NUDCD3: variants seen among roughly 807,000 people sequenced by gnomAD.
NUDCD3 encodes NudC domain containing 3.
NUDCD3 carries 13 observed loss-of-function variants against 39.7 expected under a neutral mutation model. The observed-to-expected ratio is 0.33, with a 90% confidence interval of 0.21 to 0.52. NUDCD3 has a LOEUF of 0.52. NUDCD3 is among the 20% of genes least tolerant of loss of function. NUDCD3 has a pLI of 0.96. For synonymous variants in NUDCD3, 175 were observed against 172.4 expected, an observed-to-expected ratio of 1.02 and a Z score of -0.12; for missense variants, 453 against 458.1, an observed-to-expected ratio of 0.99 and a Z score of 0.10.
chr7:44,403,286 T>A (rs529735955), intron 4 of NUDCD3, among the ~76,000 whole-genome samples: 1 of 152,202 alleles, frequency 6.6e-6, no homozygotes, highest in Non-Finnish European at 1.5e-5. Flanking sequence ...CAAGCCCCAT[T>A]GCTGGAAACT....
chr7:44,425,431 T>C (rs1007238231), intron 3 of NUDCD3, among the ~76,000 whole-genome samples: 1 of 152,232 alleles, frequency 6.6e-6, no homozygotes, highest in Non-Finnish European at 1.5e-5. Flanking sequence ...TTTTTTTATA[T>C]TATGGATTTA....
At chr7:44,467,409 T>C (rs1800142060) in intron 2 of NUDCD3, among the ~76,000 whole-genome samples, 1 of 152,116 alleles carries the variant, frequency 6.6e-6, no homozygotes, top group Admixed American at 6.5e-5. Flanking sequence ...CCTTCCTGAC[T>C]CAAATTGTAC....
chr7:44,418,933 C>T (rs748344351), intron 3 of NUDCD3, among the ~76,000 whole-genome samples: 3 of 152,284 alleles, frequency 2.0e-5, no homozygotes, highest in South Asian at 2.1e-4. Flanking sequence ...GAGATTCCCT[C>T]GTGTGCCTAC....
At chr7:44,388,065 GGTTA>G (rs920508429) in intron 5 of NUDCD3, among the ~76,000 whole-genome samples, 11 of 152,308 alleles carry the variant, frequency 7.2e-5, no homozygotes, top group Middle Eastern at 6.8e-3. Flanking sequence ...TTTGGAAAAA[GGTTA>G]GTGACACCAA....
At chr7:44,484,164 A>G (rs778581761) in intron 2 of NUDCD3, among the ~76,000 whole-genome samples, 33 of 152,194 alleles carry the variant, frequency 2.2e-4, no homozygotes, top group Non-Finnish European at 3.8e-4. Context: ...TGAATTTTCC[A>G]AAAAAACAAA....
intron 2 of NUDCD3, among the ~76,000 whole-genome samples, chr7:44,454,560 C>T (rs184930181): frequency 6.6e-6 from 1 of 152,300 alleles, no homozygotes; most frequent in Non-Finnish European, 1.5e-5. Flanking sequence ...GCCTCTGTGA[C>T]CTGGCAACTG....
intron 2 of NUDCD3, among the ~76,000 whole-genome samples, chr7:44,452,024 T>C (rs1322171436): frequency 6.6e-5 from 10 of 152,084 alleles, no homozygotes; most frequent in Admixed American, 6.5e-4. Flanking sequence ...AGGGCAAAAA[T>C]GTCCTCCCTG....
intron 4 of NUDCD3, among the ~76,000 whole-genome samples, chr7:44,403,643 G>C (rs1798763732): frequency 6.6e-6 from 1 of 152,212 alleles, no homozygotes; most frequent in Non-Finnish European, 1.5e-5. Context: ...GGGAAGCCCA[G>C]GCAGAAGCCT....
intron 2 of NUDCD3, among the ~76,000 whole-genome samples, chr7:44,445,128 C>T (rs1324308907): frequency 6.6e-6 from 1 of 152,264 alleles, no homozygotes; most frequent in Non-Finnish European, 1.5e-5. Flanking sequence ...ACCCTTCCTG[C>T]TGCCTGCCCC....
At chr7:44,486,927 G>A (rs1042402832) in intron 1 of NUDCD3, among the ~76,000 whole-genome samples, 3 of 152,180 alleles carry the variant, frequency 2.0e-5, no homozygotes, top group Non-Finnish European at 4.4e-5. Flanking sequence ...AGGGCTGGAA[G>A]AGAACTCTAA....
intron 2 of NUDCD3, among the ~76,000 whole-genome samples, chr7:44,462,945 C>G (rs992682573): frequency 2.7e-5 from 4 of 146,792 alleles, no homozygotes; most frequent in South Asian, 2.2e-4. Flanking sequence ...CACAACCAGG[C>G]TGTGTGTGTG....
intron 4 of NUDCD3, among the ~76,000 whole-genome samples, chr7:44,401,155 C>T (rs1001105077): frequency 6.6e-6 from 1 of 152,184 alleles, no homozygotes; most frequent in Non-Finnish European, 1.5e-5. Flanking sequence ...AAGCCAGCCC[C>T]TCTGATTCAC....
At chr7:44,394,675 G>T (rs1183613751) in intron 4 of NUDCD3, among the ~76,000 whole-genome samples, 1 of 152,178 alleles carries the variant, frequency 6.6e-6, no homozygotes, top group Non-Finnish European at 1.5e-5. Context: ...ATTTAAAAAT[G>T]AGGACAAACC....
intron 2 of NUDCD3, among the ~76,000 whole-genome samples, chr7:44,473,051 C>A (rs1241471446): frequency 6.6e-6 from 1 of 152,138 alleles, no homozygotes; most frequent in Non-Finnish European, 1.5e-5. Context: ...GATGCTGGCA[C>A]ACGGGAAACA....
rs560321820 is a variant in NUDCD3 at position 44,394,732 on chromosome 7, A to G, written c.787-2247T>C. On this transcript the variant is annotated intron_variant, in intron 4 of 5. Coordinates refer to ENST00000355451, the MANE Select transcript of NUDCD3 (RefSeq NM_015332.4). Reference sequence around the variant, plus strand: ...CAGATTGCCCAGCATGAAGAGGCAAAGCAGAGCTACACTGGGGCTGACAGC... The same window carrying G: ...CAGATTGCCCAGCATGAAGAGGCAAGGCAGAGCTACACTGGGGCTGACAGC... Among the ~76,000 whole-genome samples the G allele has an allele frequency of 5.9e-5, 9 of 152,346 alleles. 1 individual carries two copies. In the South Asian group the frequency reaches 1.9e-3, roughly 32 times the overall value.
chr7:44,481,510 ACAT>A (rs1800490583), intron 2 of NUDCD3: 1 of 152,268 alleles, frequency 6.6e-6, no homozygotes, highest in Non-Finnish European at 1.5e-5. Context: ...AACTTGCATC[ACAT>A]CCACAAAATA....
chr7:44,441,259 G>A (rs2116922192), intron 2 of NUDCD3, among the ~76,000 whole-genome samples: 1 of 152,274 alleles, frequency 6.6e-6, no homozygotes, highest in African/African-American at 2.4e-5. Context: ...GTATGTGGAG[G>A]GCACTGTCAT....
intron 5 of NUDCD3, among the ~76,000 whole-genome samples, chr7:44,388,636 G>A (rs1027834070): frequency 6.6e-6 from 1 of 152,220 alleles, no homozygotes; most frequent in African/African-American, 2.4e-5. Flanking sequence ...CACACACAGT[G>A]AACGACCATA....
Position 44,392,557 on chromosome 7 carries a change from G to C in NUDCD3, c.787-72C>G, listed in dbSNP as rs1408928973. On this transcript the variant is annotated intron_variant, in intron 4 of 5. Transcript: ENST00000355451. ...TGTCCAGGGCTGGGGACAGAGCAGA[G>C]CCCACTGAGGGATGGGTGTCCAGGA... 6 of 1,340,508 alleles carry C rather than the reference G, an allele frequency of 4.5e-6. No individual in the cohort carries two copies. The Admixed American group carries it at 1.1e-4, about 25-fold the overall frequency. 83.0% of individuals were successfully genotyped at this position (1,340,508 alleles called of 1,614,324 possible).
Sources: gnomAD v4.1 joint callset for allele counts (sites outside exome capture counted in the v4.1 genomes callset) on GRCh38, gnomAD v4.1.1 for gene constraint, MANE v1.5 for transcripts, NCBI Gene and HGNC (gene_info 2026-07-23, HGNC 2026-07-21) for gene names.